MYO1H: variants seen among roughly 807,000 people sequenced by gnomAD.
MYO1H encodes myosin IH, also known as unconventional myosin-Ih.
A neutral mutation model predicts 149.3 loss-of-function variants in MYO1H; 118 were observed. That is an observed-to-expected ratio of 0.79 (90% CI 0.68 to 0.92). The LOEUF is 0.92. Among genes scored for constraint, MYO1H ranks in the 40% least tolerant of loss-of-function variants. The pLI, the probability that MYO1H is intolerant of heterozygous loss-of-function variation, is 0.00. For synonymous variants in MYO1H, 447 were observed against 465.2 expected (o/e 0.96, Z 0.50); for missense variants, 1,212 against 1,280.7 (o/e 0.95, Z 0.82).
chr12:109,416,040 T>G (rs1046180347), intron 15 of MYO1H, among the ~76,000 whole-genome samples: 31 of 151,992 alleles, frequency 2.0e-4, no homozygotes, highest in African/African-American at 7.3e-4. Flanking sequence ...CCTCCCAGGT[T>G]CAAGCCATTC....
chr12:109,373,133 A>C (rs1027060611), intron 1 of MYO1H, among the ~76,000 whole-genome samples: 1 of 152,082 alleles, frequency 6.6e-6, no homozygotes, highest in Non-Finnish European at 1.5e-5. Context: ...TATCATATAT[A>C]ATGTTTGGAT....
At chr12:109,418,696 C>CCACCA (rs10631374) in intron 15 of MYO1H, among the ~76,000 whole-genome samples, 151,436 of 152,104 alleles carry the variant, frequency 1, 75,387 homozygotes, top group East Asian at 1. Context: ...CTACAGGCAC[C>CCACCA]CCACGCCCGG....
At chr12:109,430,235 G>A (rs10774695) in intron 19 of MYO1H, among the ~76,000 whole-genome samples, 50,023 of 152,006 alleles carry the variant, frequency 0.33, 8,404 homozygotes, top group Admixed American at 0.4. Context: ...AGTGGCTGGG[G>A]ACAGAGGCAA....
chr12:109,328,994 A>G, the MYO1H span, among the ~76,000 whole-genome samples: 1 of 151,558 alleles, frequency 6.6e-6, no homozygotes, highest in Non-Finnish European at 1.5e-5. Context: ...GTTGTGGTAC[A>G]TCAGCTCCCA....
chr12:109,413,382 G>A (rs1870758449), intron 14 of MYO1H, among the ~76,000 whole-genome samples: 1 of 152,200 alleles, frequency 6.6e-6, no homozygotes, highest in African/African-American at 2.4e-5. Flanking sequence ...AAATTGCCTA[G>A]TGCAATCTCT....
chr12:109,325,572 A>G, the MYO1H span, among the ~76,000 whole-genome samples: 1 of 152,254 alleles, frequency 6.6e-6, no homozygotes, highest in African/African-American at 2.4e-5. Context: ...ACAAAAGGCA[A>G]AATTGACAAA....
At chr12:109,357,462 T>G (rs1053723399) in intron 1 of MYO1H, among the ~76,000 whole-genome samples, 1 of 152,218 alleles carries the variant, frequency 6.6e-6, no homozygotes, top group Non-Finnish European at 1.5e-5. Flanking sequence ...AACGGGACAT[T>G]GAACAGGGTT....
intron 13 of MYO1H, 141 bp from the exon 14 acceptor site, chr12:109,411,752 TC>T (rs1198267763): frequency 2.3e-5 from 13 of 562,404 alleles, no homozygotes; most frequent in African/African-American, 4.0e-5. Context: ...AAGCCCTTCT[TC>T]CCCCCAGAAT....
chr12:109,388,986 C>T (rs1203995726), intron 2 of MYO1H, 142 bp downstream of exon 2: 5 of 1,112,404 alleles, frequency 4.5e-6, no homozygotes, highest in South Asian at 2.1e-5. Context: ...AGATGCACTT[C>T]GATCCTTTGT....
chr12:109,409,977 G>C, exon 12 of MYO1H: 6 of 1,532,346 alleles, frequency 3.9e-6, no homozygotes, highest in Non-Finnish European at 5.3e-6. Flanking sequence ...GAACAGTTCT[G>C]TATAAATTAC....
chr12:109,336,996 A>G, the MYO1H span, among the ~76,000 whole-genome samples: 1 of 152,200 alleles, frequency 6.6e-6, no homozygotes, highest in Admixed American at 6.5e-5. Context: ...GCTGATGGGC[A>G]GAAAAAAACA....
At chr12:109,396,863 G>A (rs193126288) in intron 4 of MYO1H, among the ~76,000 whole-genome samples, 12 of 107,834 alleles carry the variant, frequency 1.1e-4, no homozygotes, top group South Asian at 3.3e-4. Context: ...GTCTCTCTCC[G>A]TCACCCAGGC....
intron 1 of MYO1H, 94 bp from the exon 2 acceptor site, chr12:109,388,589 C>A: frequency 8.5e-7 from 1 of 1,175,886 alleles, no homozygotes; most frequent in Non-Finnish European, 1.2e-6. Context: ...TCTCTACTAT[C>A]CCAGGGTTTA....
At chr12:109,424,702 G>C (rs1202140653) in intron 16 of MYO1H, 46 bp from the exon 17 acceptor site, 3 of 1,516,164 alleles carry the variant, frequency 2.0e-6, no homozygotes, top group East Asian at 2.3e-5. Flanking sequence ...GCCCTGTAGT[G>C]ATTTCTGAAA....
the MYO1H span, among the ~76,000 whole-genome samples, chr12:109,337,622 A>G: frequency 2.0e-5 from 3 of 152,144 alleles, no homozygotes; most frequent in African/African-American, 2.4e-5. Context: ...CAAGAACAGC[A>G]TGGGAAAGAC....
At chr12:109,401,744 T>C (rs1274582931) in intron 6 of MYO1H, among the ~76,000 whole-genome samples, 6 of 152,036 alleles carry the variant, frequency 3.9e-5, no homozygotes, top group Admixed American at 3.9e-4. Context: ...CTACCTTTTT[T>C]TTTTTCTTTT....
chr12:109,344,854 G>A (rs528401897), upstream of MYO1H, among the ~76,000 whole-genome samples: 16 of 152,276 alleles, frequency 1.1e-4, no homozygotes, highest in African/African-American at 3.8e-4. Context: ...TTCGACAAGG[G>A]AGCCAAGATG....
chr12:109,318,977 T>TTTTTTTTTG, the MYO1H span, among the ~76,000 whole-genome samples: 2 of 138,174 alleles, frequency 1.4e-5, no homozygotes, highest in African/African-American at 6.0e-5. Context: ...GTTTTGTTTT[T>TTTTTTTTTG]TTTTTTTTTT....
chr12:109,444,556 A>AAGT, intron 30 of MYO1H, 27 bp downstream of exon 30: 1 of 1,551,690 alleles, frequency 6.4e-7, no homozygotes, highest in African/African-American at 1.4e-5. Context: ...TCAGCTCAGG[A>AAGT]AGTAATTCAA....
Sources: gnomAD v4.1 joint callset for allele counts (sites outside exome capture counted in the v4.1 genomes callset) on GRCh38, gnomAD v4.1.1 for gene constraint, MANE v1.5 for transcripts, NCBI Gene and HGNC (gene_info 2026-07-23, HGNC 2026-07-21) for gene names.